ELAVL1: variants seen among roughly 807,000 people sequenced by gnomAD.
ELAVL1 encodes ELAV like RNA binding protein 1.
Under a neutral mutation model 28.4 loss-of-function variants are expected in ELAVL1, and 1 was observed. That is an observed-to-expected ratio of 0.04 (90% CI 0.01 to 0.17). The LOEUF is 0.17. ELAVL1 is among the 10% of genes least tolerant of loss of function. The probability of loss-of-function intolerance (pLI) is 1.00; values close to 1 mark genes in which losing one functional copy is unlikely to be tolerated. For synonymous variants in ELAVL1, 174 were observed against 183.5 expected, an observed-to-expected ratio of 0.95 and a Z score of 0.42; for missense variants, 157 against 447.2, an observed-to-expected ratio of 0.35 and a Z score of 5.85.
Position 7,981,216 on chromosome 19 carries a change from A to G in ELAVL1, c.173-30T>C, listed in dbSNP as rs1286367151. 2 of 1,612,710 alleles carry G rather than the reference A, an allele frequency of 1.2e-6. No homozygotes were observed. Among genetic ancestry groups the G allele is most frequent in the Admixed American group, 3.3e-5 (2 of 60,014 alleles). ...GCAAGAGAACATGAAGACATTGGTAAGCCAACCGTCTGCGAGTGAGGGACA... is the reference window on the plus strand; with the variant it reads ...GCAAGAGAACATGAAGACATTGGTAGGCCAACCGTCTGCGAGTGAGGGACA... On this transcript the variant is annotated intron_variant, in intron 2 of 5. Transcript: ENST00000407627. The surrounding 1 kb of genome is among the most constrained non-coding windows in gnomAD (Gnocchi z 4.2).
chr19:7,963,634 C>T lies in ELAVL1; in HGVS notation c.830G>A (p.Arg277His). The change falls in exon 6 of 6, where the codon CGC (arginine) becomes CAC (histidine). Residue 277 changes from arginine to histidine, a missense_variant. Arg to His is a conservative substitution (Grantham distance 29). Transcript: ENST00000407627. This position sits in a 1 kb window ranked among gnomAD's most constrained non-coding sequence, Gnocchi z 4.5. ...TTTGCACTTGTTGGTGTTGAAGTCG[C>T]GGATCACTTTCACATTGGTGACGGC... Reference protein sequence around the residue: ...FGAVTNVKVIRDFNTNKCKGF... With the variant: ...FGAVTNVKVIHDFNTNKCKGF... 6.2e-7 allele frequency: 1 copy of T among 1,614,256 alleles called. No homozygotes were observed. Among genetic ancestry groups the T allele is most frequent in the Non-Finnish European group, 8.5e-7 (1 of 1,180,044 alleles).
chr19:7,986,233 C>T (rs1208169806), intron 2 of ELAVL1, among the ~76,000 whole-genome samples: 7 of 152,306 alleles, frequency 4.6e-5, no homozygotes, highest in Non-Finnish European at 8.8e-5. Flanking sequence ...TCCTCTGCAC[C>T]GTGAGGGCAG....
chr19:7,972,868 G>A (rs1218824566), intron 4 of ELAVL1: 1 of 128,222 alleles, frequency 7.8e-6, no homozygotes, highest in Non-Finnish European at 1.6e-5. Context: ...CTGGAGTTCA[G>A]TGGCGCAATC....
At chr19:7,972,299 T>G (rs1163099615) in intron 4 of ELAVL1, among the ~76,000 whole-genome samples, 1 of 152,224 alleles carries the variant, frequency 6.6e-6, no homozygotes, top group Non-Finnish European at 1.5e-5. Flanking sequence ...GGTGGGGCAC[T>G]AGTTCCTAGC....
At chr19:7,980,269 G>C (rs35336100) in intron 3 of ELAVL1, among the ~76,000 whole-genome samples, 1 of 152,092 alleles carries the variant, frequency 6.6e-6, no homozygotes. Context: ...CCTGGGGCAC[G>C]GGAGGCTCAG....
chr19:7,974,258 C>A (rs1422614242), intron 3 of ELAVL1, among the ~76,000 whole-genome samples: 5 of 152,240 alleles, frequency 3.3e-5, no homozygotes, highest in Non-Finnish European at 5.9e-5. Flanking sequence ...AGCGGGCAAG[C>A]AAGCTGGGAG....
At position 7,962,679 on chromosome 19, in the gene ELAVL1, T is replaced by C. The variant is rs761770088; in HGVS notation, c.*804A>G. The stretch of plus-strand genomic sequence containing the variant: ...AATTATCGTGAACAACAGTATCCAA[T>C]GTGTGGGGCGCTGTGCATGCAATGT... On this transcript the variant is annotated 3_prime_UTR_variant, in exon 6 of 6. Coordinates refer to ENST00000407627, the MANE Select transcript of ELAVL1 (RefSeq NM_001419.3). 6.5e-6 allele frequency: 1 copy of C among 152,692 alleles called. No individual in the cohort carries two copies. The highest frequency in any genetic ancestry group is 1.5e-5 in the Non-Finnish European group (1 of 68,050). 9.5% of individuals were successfully genotyped at this position (152,692 alleles called of 1,614,324 possible).
chr19:7,967,450 C>G (rs1046523870), intron 5 of ELAVL1, 115 bp downstream of exon 5: 1 of 1,172,142 alleles, frequency 8.5e-7, no homozygotes, highest in Non-Finnish European at 1.2e-6. Flanking sequence ...GATTCTGAAA[C>G]GCGCTCTCTG....
chr19:7,959,859 G>A lies in ELAVL1; in HGVS notation c.*3624C>T, dbSNP rs1317497565. The A allele has an allele frequency of 6.6e-6, 1 of 152,140 alleles. No homozygotes were observed. The highest frequency in any genetic ancestry group is 6.6e-5 in the Admixed American group (1 of 15,256). 9.4% of individuals were successfully genotyped at this position (152,140 alleles called of 1,614,324 possible). A position where few individuals can be genotyped will look rare whatever the true frequency, so the allele number is the denominator to read the frequency against. ...AGCTGCCTCAGGTCCTAGTAGGTGA[G>A]GTAGGTCTGGGGAAGATGGGAGGGG... On this transcript the variant is annotated 3_prime_UTR_variant, in exon 6 of 6. Transcript: ENST00000407627.
intron 1 of ELAVL1, chr19:8,002,312 C>T (rs2081070890): frequency 2.7e-6 from 1 of 374,760 alleles, no homozygotes; most frequent in Admixed American, 3.5e-5. Context: ...TGTGCCCACC[C>T]AGGTCCCTTT....
At chr19:7,983,981 T>C (rs1985534060) in intron 2 of ELAVL1, among the ~76,000 whole-genome samples, 1 of 152,116 alleles carries the variant, frequency 6.6e-6, no homozygotes, top group Admixed American at 6.5e-5. Context: ...TCTCCCTGGC[T>C]GTCCCTCCTC....
intron 4 of ELAVL1, 149 bp from the exon 5 acceptor site, chr19:7,967,939 AATGG>A (rs1341487652): frequency 1.2e-6 from 1 of 807,962 alleles, no homozygotes; most frequent in East Asian, 2.7e-5. Context: ...AGTGAAAACA[AATGG>A]ATGGAGTAAA....
At chr19:8,004,895 C>A (rs1164078494) in intron 1 of ELAVL1, among the ~76,000 whole-genome samples, 2 of 152,196 alleles carry the variant, frequency 1.3e-5, no homozygotes, top group Admixed American at 6.5e-5. Flanking sequence ...CAGGCACACA[C>A]ACATATTTTA....
chr19:8,005,630 C>T lies in ELAVL1; in HGVS notation c.-152G>A, dbSNP rs1181662527. The T allele has an allele frequency of 5.3e-5, 8 of 149,566 alleles. No homozygotes were observed. The East Asian group carries it at 1.2e-3, about 22-fold the overall frequency. The allele number at this position is 149,566 out of a possible 1,614,324, so 9.3% of individuals were successfully genotyped here. A position where few individuals can be genotyped will look rare whatever the true frequency, so the allele number is the denominator to read the frequency against. ...ACGGCGACGGCGGCAGCGGCTCCTC[C>T]TCAGCGCGCACGACCCGCTCCGGCC... On this transcript the variant is annotated 5_prime_UTR_variant, in exon 1 of 6. Transcript: ENST00000407627.
intron 1 of ELAVL1, among the ~76,000 whole-genome samples, chr19:8,003,375 GAAAAAGA>G (rs1568318956): frequency 1.0e-4 from 6 of 59,918 alleles, no homozygotes; most frequent in Non-Finnish European, 1.3e-4. Context: ...AAAAAAAAAA[GAAAAAGA>G]AAAAAAAAAA....
chr19:7,989,289 G>A (rs939481088), intron 2 of ELAVL1, among the ~76,000 whole-genome samples: 2 of 152,196 alleles, frequency 1.3e-5, no homozygotes, highest in African/African-American at 4.8e-5. Context: ...TTGAAGGGCT[G>A]CTAACAAGAG....
At chr19:7,989,099 G>C (rs930741608) in intron 2 of ELAVL1, among the ~76,000 whole-genome samples, 1 of 152,202 alleles carries the variant, frequency 6.6e-6, no homozygotes, top group Non-Finnish European at 1.5e-5. Context: ...ATTCGCCGGG[G>C]TGCCTGCCTG....
chr19:8,001,689 C>T (rs1013937901), intron 1 of ELAVL1, among the ~76,000 whole-genome samples: 1 of 151,650 alleles, frequency 6.6e-6, no homozygotes, highest in Non-Finnish European at 1.5e-5. Context: ...TGGTCTTGAA[C>T]TCCTGGCCTT....
chr19:8,003,585 G>A (rs559264051), intron 1 of ELAVL1, among the ~76,000 whole-genome samples: 1 of 151,322 alleles, frequency 6.6e-6, no homozygotes, highest in South Asian at 2.1e-4. Flanking sequence ...CCAGCTACTC[G>A]GGAGGCTGAG....
Sources: allele counts gnomAD v4.1 joint callset (sites outside exome capture counted in the v4.1 genomes callset), GRCh38; gene constraint gnomAD v4.1.1; non-coding constraint Gnocchi (gnomAD v3.1); transcripts MANE v1.5; gene names NCBI Gene and HGNC (gene_info 2026-07-23, HGNC 2026-07-21).